The following PARN variants were observed in gnomAD, a reference collection of about 807,000 sequenced individuals.
The protein encoded by PARN is poly(A)-specific ribonuclease PARN.
In PARN, 71 loss-of-function variants were observed where a neutral mutation model predicts 102.8. The ratio of observed to expected loss-of-function variants is 0.69; its 90% CI spans 0.57 to 0.84. The LOEUF (loss-of-function observed/expected upper bound fraction) is 0.84, where lower values mean the gene tolerates loss of function less well. Among genes scored for constraint, PARN ranks in the 40% least tolerant of loss-of-function variants. PARN has a pLI of 0.00. For synonymous variants in PARN, 261 were observed against 252.9 expected, an observed-to-expected ratio of 1.03 and a Z score of -0.30; for missense variants, 782 against 760.9, an observed-to-expected ratio of 1.03 and a Z score of -0.33.
intron 5 of PARN, among the ~76,000 whole-genome samples, chr16:14,622,614 C>T (rs60583218): frequency 1.3e-5 from 2 of 152,242 alleles, no homozygotes; most frequent in Admixed American, 1.3e-4. Flanking sequence ...ACACCATTCT[C>T]CTGCCTCAGC....
chr16:14,546,291 T>C lies in PARN; in HGVS notation c.1480+5730A>G, dbSNP rs149376801. Among the ~76,000 whole-genome samples the C allele has an allele frequency of 8.3e-3, 1,266 of 152,352 alleles. 22 individuals are homozygous for C. The highest frequency in any genetic ancestry group is 0.029 in the African/African-American group (1,187 of 41,584). ...CAGCATAATCAAAAGCTGTGCTTTT[T>C]AAAAACACAATTTAACATAAGCACA... On this transcript the variant is annotated intron_variant, in intron 21 of 23. Transcript: ENST00000437198.
intron 10 of PARN, 66 bp from the exon 11 acceptor site, chr16:14,604,292 C>G (rs775303431): frequency 5.6e-5 from 57 of 1,012,012 alleles, no homozygotes; most frequent in Non-Finnish European, 8.3e-5. Flanking sequence ...CAGAGTTTCG[C>G]TCTTGTTGCT....
chr16:14,495,233 C>T (rs530732858), intron 21 of PARN, among the ~76,000 whole-genome samples: 7 of 152,180 alleles, frequency 4.6e-5, no homozygotes, highest in South Asian at 4.1e-4. Context: ...TGCCCGTAGT[C>T]GCCAGCACTT....
At chr16:14,574,764 C>A (rs1969014464) in intron 18 of PARN, among the ~76,000 whole-genome samples, 1 of 152,066 alleles carries the variant, frequency 6.6e-6, no homozygotes, top group Non-Finnish European at 1.5e-5. Flanking sequence ...AAGCTGGCTG[C>A]AGAAATTTGC....
At chr16:14,582,104 C>T in intron 17 of PARN, 77 bp downstream of exon 17, 1 of 876,340 alleles carries the variant, frequency 1.1e-6, no homozygotes, top group Non-Finnish European at 1.9e-6. Context: ...TAATTTATTA[C>T]AGCAGCCTAA....
chr16:14,496,654 T>G (rs545205478), intron 21 of PARN, among the ~76,000 whole-genome samples: 2 of 152,190 alleles, frequency 1.3e-5, no homozygotes, highest in Non-Finnish European at 2.9e-5. Context: ...TCATGTGAAA[T>G]GGCAGATCCT....
intron 1 of PARN, 35 bp downstream of exon 1, chr16:14,630,072 G>T: frequency 1.3e-6 from 2 of 1,544,150 alleles, no homozygotes; most frequent in Non-Finnish European, 8.8e-7. Context: ...GCAGCCGGGT[G>T]TGGGGAGGCG....
chr16:14,606,782 T>C (rs1018808858), intron 9 of PARN, among the ~76,000 whole-genome samples: 3 of 138,984 alleles, frequency 2.2e-5, no homozygotes, highest in African/African-American at 7.7e-5. Context: ...GTATTTTCTA[T>C]TTTTTTTTTT....
At chr16:14,624,191 T>C (rs938678265) in intron 5 of PARN, among the ~76,000 whole-genome samples, 7 of 152,278 alleles carry the variant, frequency 4.6e-5, no homozygotes, top group African/African-American at 1.7e-4. Flanking sequence ...GCTTTAAGGG[T>C]GATAAGAGCT....
intron 19 of PARN, among the ~76,000 whole-genome samples, chr16:14,554,636 G>A (rs1286673454): frequency 1.3e-5 from 2 of 151,186 alleles, no homozygotes; most frequent in African/African-American, 2.4e-5. Flanking sequence ...AGAGATGGGG[G>A]TCTCGCTATG....
At chr16:14,537,412 C>T (rs1035670582) in intron 21 of PARN, among the ~76,000 whole-genome samples, 5 of 152,120 alleles carry the variant, frequency 3.3e-5, no homozygotes, top group African/African-American at 1.2e-4. Context: ...ACAGAACTAC[C>T]ATACAATTCA....
rs189963963 is a variant in PARN at position 14,527,488 on chromosome 16, A to C, written c.1480+24533T>G. Among the ~76,000 whole-genome samples, 8 of 152,258 alleles carry C rather than the reference A, an allele frequency of 5.3e-5. No individual in the cohort carries two copies. The East Asian group carries it at 1.5e-3, about 29-fold the overall frequency. On this transcript the variant is annotated intron_variant, in intron 21 of 23. Coordinates refer to ENST00000437198, the MANE Select transcript of PARN (RefSeq NM_002582.4). Reference sequence around the variant, plus strand: ...ATCTGTCATAATTTTTTTCTTTTTGACGTCATGAAAGCTGAATTAGCAAAT... The same window carrying C: ...ATCTGTCATAATTTTTTTCTTTTTGCCGTCATGAAAGCTGAATTAGCAAAT...
chr16:14,622,931 T>C (rs1191442314), intron 5 of PARN, among the ~76,000 whole-genome samples: 1 of 151,830 alleles, frequency 6.6e-6, no homozygotes, highest in Non-Finnish European at 1.5e-5. Flanking sequence ...TGGTAAAACC[T>C]TGGCTCTACA....
intron 20 of PARN, among the ~76,000 whole-genome samples, chr16:14,552,456 A>G (rs1291385121): frequency 2.0e-5 from 3 of 152,178 alleles, no homozygotes; most frequent in African/African-American, 2.4e-5. Flanking sequence ...CAGAGACCAC[A>G]TAGGTTCAAA....
chr16:14,486,894 T>C (rs1245193901), intron 21 of PARN, among the ~76,000 whole-genome samples: 1 of 152,246 alleles, frequency 6.6e-6, no homozygotes, highest in South Asian at 2.1e-4. Flanking sequence ...AGGCAATCTA[T>C]CGGTCTTGCC....
At chr16:14,582,006 C>T (rs553859032) in intron 17 of PARN, among the ~76,000 whole-genome samples, 175 bp downstream of exon 17, 1 of 152,342 alleles carries the variant, frequency 6.6e-6, no homozygotes, top group South Asian at 2.1e-4. Flanking sequence ...TCACCAGATA[C>T]TAGGTCTGCT....
At chr16:14,570,480 T>G (rs1413407324) in intron 18 of PARN, among the ~76,000 whole-genome samples, 1 of 150,940 alleles carries the variant, frequency 6.6e-6, no homozygotes, top group Non-Finnish European at 1.5e-5. Context: ...TGAAACCCTG[T>G]CTCTACTAAA....
chr16:14,607,285 T>C (rs1202646301), intron 9 of PARN, among the ~76,000 whole-genome samples: 1 of 152,154 alleles, frequency 6.6e-6, no homozygotes, highest in Non-Finnish European at 1.5e-5. Context: ...CTTGGCTCAC[T>C]GCACCTCTGC....
chr16:14,629,405 A>G (rs1972889062), intron 2 of PARN, among the ~76,000 whole-genome samples, 192 bp downstream of exon 2: 3 of 152,212 alleles, frequency 2.0e-5, no homozygotes, highest in African/African-American at 4.8e-5. Context: ...CCAATCACAA[A>G]CCTACGGCGT....
Sources: gnomAD v4.1 joint callset for allele counts (sites outside exome capture counted in the v4.1 genomes callset) on GRCh38, gnomAD v4.1.1 for gene constraint, MANE v1.5 for transcripts, NCBI Gene and HGNC (gene_info 2026-07-23, HGNC 2026-07-21) for gene names.